Variants in PACSIN2 observed in about 807,000 individuals in gnomAD.
The protein encoded by PACSIN2 is protein kinase C and casein kinase substrate in neurons 2.
Under a neutral mutation model 63.8 loss-of-function variants are expected in PACSIN2, and 25 were observed. The ratio of observed to expected loss-of-function variants is 0.39; its 90% confidence interval spans 0.29 to 0.55. The LOEUF is 0.55. Among genes scored for constraint, PACSIN2 ranks in the 20% least tolerant of loss-of-function variants. The pLI is 0.62. For synonymous variants in PACSIN2, 255 were observed against 256.2 expected (o/e 1.00, Z 0.05); for missense variants, 518 against 646.9 (o/e 0.80, Z 2.16).
rs565223331 is a variant in PACSIN2 at position 43,003,632 on chromosome 22, C to T, written c.-78+11389G>A. ...TAAAACAAAACAAAACAAATATCTG[C>T]TCTAATATACCTGAGCAAATGCTCT... On this transcript the variant is annotated intron_variant, in intron 1 of 10. Transcript: ENST00000263246. 5.9e-5 allele frequency among the ~76,000 whole-genome samples: 9 copies of T among 152,282 alleles called. No individual in the cohort carries two copies. The East Asian group carries it at 1.5e-3, about 26-fold the overall frequency.
intron 1 of PACSIN2, among the ~76,000 whole-genome samples, chr22:42,931,912 G>A (rs1012328513): frequency 1.3e-5 from 2 of 152,066 alleles, no homozygotes; most frequent in Non-Finnish European, 1.5e-5. Flanking sequence ...AAATGAAAAC[G>A]TTTAATGTTT....
At chr22:42,958,939 A>G (rs1483315324) in intron 1 of PACSIN2, among the ~76,000 whole-genome samples, 1 of 152,228 alleles carries the variant, frequency 6.6e-6, no homozygotes, top group Non-Finnish European at 1.5e-5. Flanking sequence ...ACTGTTTTTC[A>G]AAAATTCCAG....
intron 10 of PACSIN2, among the ~76,000 whole-genome samples, chr22:42,874,852 C>CTTTTTTTT (rs777530387): frequency 1.6e-5 from 2 of 128,212 alleles, no homozygotes; most frequent in Non-Finnish European, 3.3e-5. Context: ...TGGGCATCCG[C>CTTTTTTTT]TTTTTTTTTT....
chr22:42,976,090 A>G (rs1921684142), intron 1 of PACSIN2, among the ~76,000 whole-genome samples: 1 of 152,192 alleles, frequency 6.6e-6, no homozygotes, highest in Non-Finnish European at 1.5e-5. Context: ...AACATTCATC[A>G]TCTTATTTTG....
At chr22:42,979,022 A>G (rs1921889461) in intron 1 of PACSIN2, among the ~76,000 whole-genome samples, 1 of 152,232 alleles carries the variant, frequency 6.6e-6, no homozygotes, top group Non-Finnish European at 1.5e-5. Flanking sequence ...GAACTGTGAC[A>G]GAAAGGAATG....
intron 1 of PACSIN2, among the ~76,000 whole-genome samples, chr22:42,975,624 C>A (rs1569342576): frequency 1.5e-5 from 2 of 133,174 alleles, no homozygotes; most frequent in Non-Finnish European, 1.6e-5. Context: ...TTTTTTTTCC[C>A]TTTTTCTAAC....
chr22:43,013,427 ATTAAGT>A (rs755673346), intron 1 of PACSIN2, among the ~76,000 whole-genome samples: 85 of 152,338 alleles, frequency 5.6e-4, no homozygotes, highest in Admixed American at 5.3e-3. Context: ...AAACTCTAGA[ATTAAGT>A]TTAAGTCCAC....
At chr22:42,971,956 C>T (rs185242716) in intron 1 of PACSIN2, among the ~76,000 whole-genome samples, 3,802 of 149,766 alleles carry the variant, frequency 0.025, 64 homozygotes, top group Non-Finnish European at 0.031. Context: ...CCGGCCGCCC[C>T]GTCTGGGAGG....
intron 8 of PACSIN2, among the ~76,000 whole-genome samples, chr22:42,877,505 G>T (rs1440918804): frequency 6.6e-6 from 1 of 152,190 alleles, no homozygotes; most frequent in Non-Finnish European, 1.5e-5. Flanking sequence ...GGGGTTCAGG[G>T]CTCGCTCTTC....
chr22:42,973,286 ACT>A (rs1261265878), intron 1 of PACSIN2, among the ~76,000 whole-genome samples: 2 of 152,346 alleles, frequency 1.3e-5, no homozygotes, highest in Non-Finnish European at 2.9e-5. Flanking sequence ...AAAATGACAG[ACT>A]CTGTCACAGG....
chr22:42,917,282 A>G (rs968866391), intron 1 of PACSIN2, among the ~76,000 whole-genome samples: 1 of 152,194 alleles, frequency 6.6e-6, no homozygotes, highest in African/African-American at 2.4e-5. Context: ...CTCAGTGCTG[A>G]GTTCAAATCT....
intron 1 of PACSIN2, among the ~76,000 whole-genome samples, chr22:43,013,917 C>G (rs1362835607): frequency 1.3e-5 from 2 of 152,142 alleles, no homozygotes; most frequent in Admixed American, 6.5e-5. Context: ...GGTGCACACA[C>G]CCAGCCAAAG....
intron 1 of PACSIN2, among the ~76,000 whole-genome samples, chr22:42,982,276 A>G (rs1448433747): frequency 1.6e-5 from 1 of 62,544 alleles, no homozygotes; most frequent in African/African-American, 8.4e-5. Context: ...CCGCCCGGCC[A>G]GCCGCCCCAT....
Position 42,871,331 on chromosome 22 carries a change from C to G in PACSIN2, c.*26G>C, listed in dbSNP as rs758690877. 1.4e-6 allele frequency: 2 copies of G among 1,402,776 alleles called. No individual in the cohort carries two copies. 86.9% of individuals were successfully genotyped at this position (1,402,776 alleles called of 1,614,324 possible). ...AGGCTCCTGGGCCCGCCGCCTCCGT[C>G]CCCCCGCTGGCCTGTCCCCGACTCA... On this transcript the variant is annotated 3_prime_UTR_variant, in exon 11 of 11. Coordinates refer to ENST00000263246, the MANE Select transcript of PACSIN2 (RefSeq NM_001184970.3). The surrounding 1 kb of genome is among the most constrained non-coding windows in gnomAD (Gnocchi z 5.4).
At chr22:42,882,101 A>G in intron 7 of PACSIN2, 83 bp downstream of exon 7, 1 of 1,485,960 alleles carries the variant, frequency 6.7e-7, no homozygotes, top group Non-Finnish European at 9.4e-7. Flanking sequence ...TAGAGTCTAG[A>G]ATGAGAAAGA....
intron 1 of PACSIN2, among the ~76,000 whole-genome samples, chr22:42,981,096 C>T (rs200272554): frequency 0.2 from 28,089 of 143,706 alleles, 4,234 homozygotes; most frequent in East Asian, 0.71. Flanking sequence ...TCTGCCCGGC[C>T]GCCCATCGTC....
chr22:42,980,143 G>A (rs758419046), intron 1 of PACSIN2, among the ~76,000 whole-genome samples: 3 of 151,768 alleles, frequency 2.0e-5, no homozygotes, highest in Non-Finnish European at 4.4e-5. Context: ...ATAGAGTATT[G>A]GGTGAAAATT....
At chr22:42,881,177 A>G (rs1180270303) in intron 7 of PACSIN2, among the ~76,000 whole-genome samples, 1 of 152,160 alleles carries the variant, frequency 6.6e-6, no homozygotes, top group African/African-American at 2.4e-5. Context: ...TAAGGGCCAT[A>G]AAAGAAGTGC....
intron 1 of PACSIN2, among the ~76,000 whole-genome samples, chr22:42,991,335 C>T (rs917434133): frequency 2.6e-5 from 4 of 152,304 alleles, no homozygotes; most frequent in Admixed American, 2.0e-4. Context: ...CAGCTGGCTG[C>T]AGGTCTCAAG....
Sources: allele counts gnomAD v4.1 joint callset (sites outside exome capture counted in the v4.1 genomes callset), GRCh38; gene constraint gnomAD v4.1.1; non-coding constraint Gnocchi (gnomAD v3.1); transcripts MANE v1.5; gene names NCBI Gene and HGNC (gene_info 2026-07-23, HGNC 2026-07-21).